The following MIB1 variants were observed in gnomAD, a reference collection of about 807,000 sequenced individuals.
The protein encoded by MIB1 is MIB E3 ubiquitin protein ligase 1, also known as E3 ubiquitin-protein ligase MIB1.
A neutral mutation model predicts 124.5 loss-of-function variants in MIB1; 278 were observed. That is an observed-to-expected ratio of 2.23 (90% confidence interval 2.02 to 2.47). The LOEUF is 2.47. MIB1 is among the 30% of genes most tolerant of loss of function. The pLI, the probability that MIB1 is intolerant of heterozygous loss-of-function variation, is 0.00. For synonymous variants in MIB1, 446 were observed against 429.4 expected, an observed-to-expected ratio of 1.04 and a Z score of -0.48; for missense variants, 957 against 1,254.4, an observed-to-expected ratio of 0.76 and a Z score of 3.58.
chr18:21,707,238 A>G (rs543726162), intron 1 of MIB1, among the ~76,000 whole-genome samples: 2 of 152,298 alleles, frequency 1.3e-5, no homozygotes, highest in East Asian at 3.9e-4. Flanking sequence ...AAATGCACCA[A>G]TCAGTGCTCT....
chr18:21,785,028 A>G (rs1381341631), intron 6 of MIB1, among the ~76,000 whole-genome samples: 2 of 152,234 alleles, frequency 1.3e-5, no homozygotes, highest in African/African-American at 2.4e-5. Flanking sequence ...TAGTGAAAGT[A>G]TTAAAGCTGT....
intron 6 of MIB1, among the ~76,000 whole-genome samples, chr18:21,789,552 G>C (rs2041477737): frequency 6.6e-6 from 1 of 151,922 alleles, no homozygotes; most frequent in African/African-American, 2.4e-5. Context: ...CAAAATCCTG[G>C]TACTTTTTTT....
In MIB1 at chr18:21,864,546, A is replaced by G. The variant is rs1473564720; in HGVS notation, c.2901A>G (p.Leu967=). 1 of 1,613,378 alleles carries G rather than the reference A, an allele frequency of 6.2e-7. No individual in the cohort carries two copies. The highest frequency in any genetic ancestry group is 8.5e-7 in the Non-Finnish European group (1 of 1,179,328). The change falls in exon 21 of 21, where the codon CTA becomes CTG. Residue 967 remains leucine, a synonymous_variant. Transcript: ENST00000261537. Reference sequence around the variant, plus strand: ...TACAGACAATGTGCCCTGTGTGTCTAGATCGTCTGAAGAATATGATTTTCC... The same window carrying G: ...TACAGACAATGTGCCCTGTGTGTCTGGATCGTCTGAAGAATATGATTTTCC... ...IKEQTMCPVC[L]DRLKNMIFLC...
chr18:21,805,619 T>C (rs529870444), intron 10 of MIB1, among the ~76,000 whole-genome samples: 4 of 152,162 alleles, frequency 2.6e-5, no homozygotes, highest in Non-Finnish European at 5.9e-5. Context: ...ATTTAGTGAA[T>C]CCAGAAACTC....
intron 1 of MIB1, among the ~76,000 whole-genome samples, chr18:21,706,772 C>G (rs1402766165): frequency 6.6e-6 from 1 of 152,180 alleles, no homozygotes; most frequent in Non-Finnish European, 1.5e-5. Flanking sequence ...GGCTCAGGAC[C>G]TGCAGCCCGC....
At chr18:21,746,144 A>C (rs2040910505) in intron 1 of MIB1, among the ~76,000 whole-genome samples, 2 of 152,310 alleles carry the variant, frequency 1.3e-5, no homozygotes, top group Middle Eastern at 3.4e-3. Context: ...TGAATAGAAA[A>C]TTTATTGCAG....
At chr18:21,757,272 T>G (rs1185982790) in intron 1 of MIB1, among the ~76,000 whole-genome samples, 3 of 151,142 alleles carry the variant, frequency 2.0e-5, no homozygotes, top group Non-Finnish European at 4.4e-5. Flanking sequence ...GCCAACATGG[T>G]GAAGCCCTGT....
intron 12 of MIB1, among the ~76,000 whole-genome samples, chr18:21,837,381 G>A (rs9958004): frequency 0.017 from 2,565 of 152,190 alleles, 67 homozygotes; most frequent in African/African-American, 0.054. Flanking sequence ...GGTGGCAGGC[G>A]CCTATAGTCC....
chr18:21,797,476 T>A (rs1457952115), intron 7 of MIB1, among the ~76,000 whole-genome samples: 1 of 152,078 alleles, frequency 6.6e-6, no homozygotes, highest in Non-Finnish European at 1.5e-5. Context: ...TGAGCGGTAA[T>A]TTTGTGTTTT....
At chr18:21,806,194 T>A (rs546163582) in intron 10 of MIB1, among the ~76,000 whole-genome samples, 5 of 151,414 alleles carry the variant, frequency 3.3e-5, no homozygotes, top group Non-Finnish European at 7.4e-5. Context: ...ATGAGCCCCA[T>A]GCCTGGCCAG....
At chr18:21,738,806 C>CAAAAAAA (rs574122803), upstream of MIB1, among the ~76,000 whole-genome samples, 1 of 22,120 alleles carries the variant, frequency 4.5e-5, no homozygotes, top group Non-Finnish European at 8.6e-5. Flanking sequence ...GACTCCATCT[C>CAAAAAAA]AAAAAAAAAA....
intron 4 of MIB1, among the ~76,000 whole-genome samples, chr18:21,777,489 T>C (rs1409461430): frequency 6.6e-6 from 1 of 152,220 alleles, no homozygotes; most frequent in Non-Finnish European, 1.5e-5. Context: ...TTTTTCAAAC[T>C]ATTATAATTA....
In MIB1 at chr18:21,843,230, C is replaced by T; in HGVS notation, c.2049+13C>T. On this transcript the variant is annotated intron_variant, in intron 14 of 20. Coordinates refer to ENST00000261537, the MANE Select transcript of MIB1 (RefSeq NM_020774.4). ...CCAGATTGTTAGGGTAAAGTATTGA[C>T]ATACATTTTAGCTTATAATTACATT... 2.6e-6 allele frequency: 4 copies of T among 1,539,876 alleles called. No individual in the cohort carries two copies. The highest frequency in any genetic ancestry group is 2.5e-5 in the South Asian group (2 of 79,976).
At chr18:21,743,267 G>T (rs907759883) in intron 1 of MIB1, among the ~76,000 whole-genome samples, 1 of 152,166 alleles carries the variant, frequency 6.6e-6, no homozygotes, top group Non-Finnish European at 1.5e-5. Context: ...AAGTGCAAAT[G>T]ATAATAAACT....
chr18:21,825,462 G>T (rs1356066116), intron 12 of MIB1: 1 of 283,826 alleles, frequency 3.5e-6, no homozygotes, highest in Non-Finnish European at 6.9e-6. Context: ...TGAAGGATAA[G>T]AAATTTAATA....
At chr18:21,804,313 A>T (rs990513175) in intron 10 of MIB1, among the ~76,000 whole-genome samples, 1 of 152,246 alleles carries the variant, frequency 6.6e-6, no homozygotes, top group Non-Finnish European at 1.5e-5. Context: ...TACTAGGGAA[A>T]TTGAAGGACG....
At chr18:21,774,631 A>G (rs2041259874) in intron 4 of MIB1, among the ~76,000 whole-genome samples, 1 of 152,170 alleles carries the variant, frequency 6.6e-6, no homozygotes, top group Non-Finnish European at 1.5e-5. Flanking sequence ...TGTATAGAGT[A>G]TAATAAATAA....
At chr18:21,709,105 A>G (rs1283694507) in intron 1 of MIB1, among the ~76,000 whole-genome samples, 1 of 152,112 alleles carries the variant, frequency 6.6e-6, no homozygotes, top group East Asian at 1.9e-4. Context: ...TCACGAGGTC[A>G]GGAGATCGAG....
chr18:21,854,596 C>CT (rs34762697), intron 18 of MIB1: 4,486 of 116,268 alleles, frequency 0.039, 91 homozygotes, highest in African/African-American at 0.06. Context: ...GCGTTTGCTC[C>CT]TTTTTTTTTT....
Sources: allele counts gnomAD v4.1 joint callset (sites outside exome capture counted in the v4.1 genomes callset), GRCh38; gene constraint gnomAD v4.1.1; transcripts MANE v1.5; gene names NCBI Gene and HGNC (gene_info 2026-07-23, HGNC 2026-07-21).